Variants in NKAIN2 observed in about 807,000 individuals in gnomAD.
NKAIN2 encodes the protein sodium/potassium transporting ATPase interacting 2, also known as sodium/potassium-transporting ATPase subunit beta-1-interacting protein 2.
NKAIN2 carries 14 observed loss-of-function variants against 32.6 expected under a neutral mutation model. The observed-to-expected ratio is 0.43, with a 90% CI of 0.28 to 0.67. The LOEUF (loss-of-function observed/expected upper bound fraction) is 0.67. Ranked by LOEUF, NKAIN2 falls within the 30% of genes least tolerant of loss-of-function variation. NKAIN2 has a pLI of 0.17. For missense variants in NKAIN2, 198 were observed against 258.3 expected, an observed-to-expected ratio of 0.77 and a Z score of 1.60; for synonymous variants, 80 against 87.2, an observed-to-expected ratio of 0.92 and a Z score of 0.46.
At chr6:124,479,102 C>T (rs971006775) in intron 3 of NKAIN2, among the ~76,000 whole-genome samples, 1 of 152,066 alleles carries the variant, frequency 6.6e-6, no homozygotes. Flanking sequence ...CTGTTCAAAA[C>T]TGCAAAGGTC....
intron 3 of NKAIN2, among the ~76,000 whole-genome samples, chr6:124,415,871 T>A (rs1338945557): frequency 7.9e-6 from 1 of 126,718 alleles, no homozygotes; most frequent in Non-Finnish European, 1.6e-5. Flanking sequence ...TTTGCTTTTT[T>A]TATTTGCTTT....
At chr6:124,220,001 A>C (rs943256127) in intron 1 of NKAIN2, among the ~76,000 whole-genome samples, 2 of 152,140 alleles carry the variant, frequency 1.3e-5, no homozygotes, top group African/African-American at 4.8e-5. Flanking sequence ...CTTAAATATA[A>C]AGCATGAAAT....
chr6:124,721,617 T>G (rs962869658), intron 4 of NKAIN2, among the ~76,000 whole-genome samples: 2 of 152,044 alleles, frequency 1.3e-5, no homozygotes, highest in Non-Finnish European at 2.9e-5. Flanking sequence ...CTCCATTGAG[T>G]TCTTTCCTTC....
At chr6:124,265,004 C>A (rs993015223) in intron 1 of NKAIN2, among the ~76,000 whole-genome samples, 4 of 152,030 alleles carry the variant, frequency 2.6e-5, no homozygotes, top group African/African-American at 9.7e-5. Context: ...GCAGACAGGT[C>A]CACATCCAAA....
intron 1 of NKAIN2, among the ~76,000 whole-genome samples, chr6:123,832,948 T>C (rs1254657121): frequency 1.3e-5 from 2 of 152,242 alleles, no homozygotes; most frequent in African/African-American, 2.4e-5. Context: ...TGAAATTTGC[T>C]TTTAATTTAG....
intron 1 of NKAIN2, among the ~76,000 whole-genome samples, chr6:124,228,576 A>T (rs1035233899): frequency 2.6e-5 from 4 of 152,188 alleles, no homozygotes; most frequent in African/African-American, 7.2e-5. Context: ...CACACAACTT[A>T]GTCCATAGCA....
intron 1 of NKAIN2, among the ~76,000 whole-genome samples, chr6:124,008,324 C>G (rs564439440): frequency 6.6e-6 from 1 of 152,100 alleles, no homozygotes; most frequent in African/African-American, 2.4e-5. Context: ...TTTTACAAAC[C>G]AAACACAATG....
At chr6:124,795,813 C>T (rs1367744951) in intron 5 of NKAIN2, among the ~76,000 whole-genome samples, 1 of 152,106 alleles carries the variant, frequency 6.6e-6, no homozygotes, top group Non-Finnish European at 1.5e-5. Flanking sequence ...TTTCTGAGGG[C>T]TCCACTGTCA....
chr6:124,282,289 G>A (rs1391515438), intron 1 of NKAIN2: 6 of 347,630 alleles, frequency 1.7e-5, no homozygotes, highest in South Asian at 1.3e-4. Flanking sequence ...TTATAACAGT[G>A]ATGCTTGATT....
intron 3 of NKAIN2, among the ~76,000 whole-genome samples, chr6:124,571,210 G>A (rs984772383): frequency 3.9e-5 from 6 of 152,176 alleles, no homozygotes; most frequent in African/African-American, 1.4e-4. Flanking sequence ...AGGTGGAAGG[G>A]ATTTGCCTTG....
chr6:124,796,842 T>C (rs1220963902), intron 5 of NKAIN2, among the ~76,000 whole-genome samples: 1 of 152,174 alleles, frequency 6.6e-6, no homozygotes. Flanking sequence ...CTGTGCTGTC[T>C]TTGTGGCAGG....
At chr6:124,204,943 A>G (rs113258281) in intron 1 of NKAIN2, among the ~76,000 whole-genome samples, 2 of 150,754 alleles carry the variant, frequency 1.3e-5, no homozygotes, top group Admixed American at 6.7e-5. Context: ...ATTTATTCAT[A>G]TCAAGAACAT....
At chr6:124,113,690 TG>T (rs1470767978) in intron 1 of NKAIN2, among the ~76,000 whole-genome samples, 1 of 148,678 alleles carries the variant, frequency 6.7e-6, no homozygotes, top group Non-Finnish European at 1.5e-5. Flanking sequence ...TTACCTCCCC[TG>T]GGTGAAACCA....
At chr6:124,388,171 T>A (rs563599548) in intron 3 of NKAIN2, among the ~76,000 whole-genome samples, 1 of 149,334 alleles carries the variant, frequency 6.7e-6, no homozygotes, top group East Asian at 2.0e-4. Context: ...TTAACCTGAA[T>A]TATTAATTTT....
intron 3 of NKAIN2, among the ~76,000 whole-genome samples, chr6:124,582,376 T>A (rs534182183): frequency 6.6e-6 from 1 of 152,250 alleles, no homozygotes; most frequent in Non-Finnish European, 1.5e-5. Context: ...AACAGGTTAA[T>A]TCCTAGACAC....
At chr6:124,480,403 G>T (rs188104572) in intron 3 of NKAIN2, among the ~76,000 whole-genome samples, 5 of 152,176 alleles carry the variant, frequency 3.3e-5, no homozygotes, top group African/African-American at 1.2e-4. Flanking sequence ...AAAAGCCTAC[G>T]GTATGTGGCA....
chr6:124,321,546 C>T (rs1346427152), intron 2 of NKAIN2, among the ~76,000 whole-genome samples: 1 of 152,170 alleles, frequency 6.6e-6, no homozygotes, highest in African/African-American at 2.4e-5. Context: ...GAAGGAACCT[C>T]TTTTATATTC....
rs1775044706 is a variant in NKAIN2, at chr6:124,706,027, C to G, written c.474+47641C>G. ...GACAACAAAGAGAAGGTTATCATGACTATGGCGACCTTGATGATCACAATG... is the reference window on the plus strand; with the variant it reads ...GACAACAAAGAGAAGGTTATCATGAGTATGGCGACCTTGATGATCACAATG... On this transcript the variant is annotated intron_variant, in intron 4 of 6. Coordinates refer to ENST00000368417, the MANE Select transcript of NKAIN2 (RefSeq NM_001040214.3). Among the ~76,000 whole-genome samples the G allele has an allele frequency of 2.0e-5, 3 of 152,138 alleles. No individual in the cohort carries two copies. The South Asian group carries it at 6.2e-4, about 32-fold the overall frequency.
intron 1 of NKAIN2, among the ~76,000 whole-genome samples, chr6:123,808,136 G>A (rs943593340): frequency 3.3e-5 from 5 of 152,112 alleles, no homozygotes; most frequent in South Asian, 4.1e-4. Context: ...AGAAAATAAA[G>A]CGTTGCTGTG....
Sources: gnomAD v4.1 joint callset for allele counts (sites outside exome capture counted in the v4.1 genomes callset) on GRCh38, gnomAD v4.1.1 for gene constraint, MANE v1.5 for transcripts, NCBI Gene and HGNC (gene_info 2026-07-23, HGNC 2026-07-21) for gene names.